EYS: variants seen among roughly 807,000 people sequenced by gnomAD.
EYS encodes EGF-like photoreceptor maintenance factor, also known as protein eyes shut homolog.
Under a neutral mutation model 282.1 loss-of-function variants are expected in EYS, and 250 were observed. The ratio of observed to expected loss-of-function variants is 0.89; its 90% CI spans 0.80 to 0.98. EYS has a LOEUF of 0.98. EYS is among the 50% of genes least tolerant of loss of function. The pLI, the probability that EYS is intolerant of heterozygous loss-of-function variation, is 0.00. For missense variants in EYS, 4,016 were observed against 3,709.0 expected, an observed-to-expected ratio of 1.08 and a Z score of -2.15; for synonymous variants, 1,355 against 1,282.9, an observed-to-expected ratio of 1.06 and a Z score of -1.20.
chr6:64,272,458 A>G (rs747776553), intron 30 of EYS, among the ~76,000 whole-genome samples: 6 of 152,174 alleles, frequency 3.9e-5, no homozygotes, highest in Non-Finnish European at 8.8e-5. Flanking sequence ...AGCTCTTGTA[A>G]GTCAGCCTGG....
In EYS at chr6:65,005,540, C is replaced by A. The variant is rs768742805; in HGVS notation, c.2138-7837G>T. 2.6e-4 allele frequency among the ~76,000 whole-genome samples: 38 copies of A among 147,524 alleles called. 5 individuals are homozygous for A. The highest frequency in any genetic ancestry group is 5.6e-4 in the Non-Finnish European group (37 of 65,870). On this transcript the variant is annotated intron_variant, in intron 13 of 42. Transcript: ENST00000503581. ...CCTCCAAAGTGGTAATGTTGGACCA[C>A]TTTCGCTTGCTATTCTGTCCTATCC...
intron 2 of EYS, among the ~76,000 whole-genome samples, chr6:65,508,202 C>A (rs538778207): frequency 1.3e-5 from 2 of 152,228 alleles, no homozygotes; most frequent in East Asian, 3.9e-4. Flanking sequence ...TACTCATCTA[C>A]AGAGAATGTC....
chr6:64,217,010 G>A (rs190859300), intron 31 of EYS, among the ~76,000 whole-genome samples: 4 of 152,256 alleles, frequency 2.6e-5, no homozygotes, highest in Admixed American at 2.6e-4. Flanking sequence ...CAGGATAACA[G>A]ATTTGCTTGT....
At chr6:64,566,138 T>C (rs529439120) in intron 26 of EYS, among the ~76,000 whole-genome samples, 39 of 152,216 alleles carry the variant, frequency 2.6e-4, no homozygotes, top group African/African-American at 8.9e-4. Flanking sequence ...TGATATTCTA[T>C]ATAAGGAGGA....
At chr6:64,668,695 G>C (rs946746555) in intron 22 of EYS, among the ~76,000 whole-genome samples, 21 of 151,656 alleles carry the variant, frequency 1.4e-4, no homozygotes, top group Non-Finnish European at 2.9e-5. Flanking sequence ...CTCCCAAGTA[G>C]CTGGGACTAC....
Position 64,813,382 on chromosome 6 carries a change from A to C in EYS, c.3439T>G (p.Cys1147Gly). Residue 1147 changes from cysteine to glycine, a missense_variant, in exon 22 of 43, where the codon TGC (cysteine) becomes GGC (glycine). Transcript: ENST00000503581. ...CVDGPGHTFD[C>G]RCLPGFSGQF... ...TGTGGGTAAATAAATACTGACCTGCAGTCAAAAGTATGTCCAGGCCCATCA... is the reference window on the plus strand; with the variant it reads ...TGTGGGTAAATAAATACTGACCTGCCGTCAAAAGTATGTCCAGGCCCATCA... The C allele has an allele frequency of 6.5e-7, 1 of 1,541,090 alleles. No homozygotes were observed. Among genetic ancestry groups the C allele is most frequent in the Non-Finnish European group, 8.8e-7 (1 of 1,141,974 alleles).
chr6:64,450,600 C>G (rs556322093), intron 26 of EYS, among the ~76,000 whole-genome samples: 32 of 152,226 alleles, frequency 2.1e-4, no homozygotes, highest in African/African-American at 7.2e-4. Flanking sequence ...TGACCACATA[C>G]TTGGAAGTAA....
At chr6:64,905,432 T>C (rs1767795396) in intron 16 of EYS, among the ~76,000 whole-genome samples, 1 of 152,226 alleles carries the variant, frequency 6.6e-6, no homozygotes, top group Non-Finnish European at 1.5e-5. Flanking sequence ...CTTTGTTAAC[T>C]GCAGGGAGGA....
At chr6:64,390,760 C>A (rs550205916) in intron 28 of EYS, among the ~76,000 whole-genome samples, 4,514 of 149,646 alleles carry the variant, frequency 0.03, 214 homozygotes, top group African/African-American at 0.11. Flanking sequence ...AGCAACGGAA[C>A]AAAGCTGGAT....
rs200890590 is a variant in EYS, at chr6:63,854,553, T to C, written c.7228+9633A>G. On this transcript the variant is annotated intron_variant, in intron 36 of 42. Coordinates refer to ENST00000503581, the MANE Select transcript of EYS (RefSeq NM_001142800.2). ...GGTTAATGGGTGCAGCAAACCACCA[T>C]GGCACATGTATACCTATGTAACAAA... Among the ~76,000 whole-genome samples, 57 of 152,266 alleles carry C rather than the reference T, an allele frequency of 3.7e-4. No homozygotes were observed. In the East Asian group the frequency reaches 0.01, roughly 28 times the overall value.
At chr6:65,626,644 AC>A (rs1455048962) in intron 2 of EYS, among the ~76,000 whole-genome samples, 2 of 152,150 alleles carry the variant, frequency 1.3e-5, no homozygotes, top group Non-Finnish European at 2.9e-5. Flanking sequence ...CAAGCCATGG[AC>A]CCGAATAAGG....
intron 19 of EYS, 44 bp from the exon 20 acceptor site, chr6:64,822,866 C>A: frequency 1.3e-6 from 2 of 1,495,950 alleles, no homozygotes; most frequent in Non-Finnish European, 1.8e-6. Flanking sequence ...CATTTAAATA[C>A]AAAACTCTTA....
At chr6:64,106,825 T>C (rs1195491211) in intron 31 of EYS, among the ~76,000 whole-genome samples, 1 of 152,054 alleles carries the variant, frequency 6.6e-6, no homozygotes, top group African/African-American at 2.4e-5. Context: ...ATACCTTTTG[T>C]AGTCATCTCA....
intron 18 of EYS, among the ~76,000 whole-genome samples, chr6:64,887,881 A>G (rs1767148195): frequency 6.6e-6 from 1 of 152,078 alleles, no homozygotes; most frequent in African/African-American, 2.4e-5. Flanking sequence ...GAGGTGACAG[A>G]AAAGGTCTTA....
At chr6:63,825,058 T>TG (rs1478639588) in intron 36 of EYS, among the ~76,000 whole-genome samples, 1 of 152,066 alleles carries the variant, frequency 6.6e-6, no homozygotes, top group Admixed American at 6.5e-5. Flanking sequence ...GGGGCTGTTG[T>TG]TGGGGGCATG....
At chr6:64,207,196 G>A (rs1446747265) in intron 31 of EYS, among the ~76,000 whole-genome samples, 1 of 151,708 alleles carries the variant, frequency 6.6e-6, no homozygotes, top group African/African-American at 2.4e-5. Context: ...TATTATCCTG[G>A]GAGTGGGTTA....
rs143480122 is a variant in EYS at position 63,843,003 on chromosome 6, A to G, written c.7228+21183T>C. On this transcript the variant is annotated intron_variant, in intron 36 of 42. Coordinates refer to ENST00000503581, the MANE Select transcript of EYS (RefSeq NM_001142800.2). ...GTACCAGTACCATGCTGTTTTGGTT[A>G]CTGTAGACTTGTAGTATAGTTTGAA... Among the ~76,000 whole-genome samples, 12 of 152,288 alleles carry G rather than the reference A, an allele frequency of 7.9e-5. No individual in the cohort carries two copies. The East Asian group carries it at 2.3e-3, about 29-fold the overall frequency.
intron 41 of EYS, among the ~76,000 whole-genome samples, chr6:63,742,724 A>G (rs1273504022): frequency 1.3e-5 from 2 of 152,164 alleles, no homozygotes; most frequent in Non-Finnish European, 2.9e-5. Flanking sequence ...ATCTCTTGGC[A>G]TACTCTATCT....
intron 1 of EYS, among the ~76,000 whole-genome samples, chr6:65,648,350 G>A (rs977865970): frequency 2.7e-5 from 4 of 146,878 alleles, no homozygotes; most frequent in Admixed American, 6.7e-5. Context: ...GTGTGTGTGT[G>A]TATACCATAG....
Sources: allele counts gnomAD v4.1 joint callset (sites outside exome capture counted in the v4.1 genomes callset), GRCh38; gene constraint gnomAD v4.1.1; transcripts MANE v1.5; gene names NCBI Gene and HGNC (gene_info 2026-07-23, HGNC 2026-07-21).